TMEM45B: variants seen among roughly 807,000 people sequenced by gnomAD.
TMEM45B encodes the protein transmembrane protein 45B.
In TMEM45B, 29 loss-of-function variants were observed where a neutral mutation model predicts 27.3. The observed-to-expected ratio is 1.06, with a 90% CI of 0.79 to 1.45. The LOEUF (loss-of-function observed/expected upper bound fraction) is 1.45. Ranked by LOEUF, TMEM45B falls within the 40% of genes most tolerant of loss-of-function variation. The pLI is 0.00. For missense variants in TMEM45B, 348 were observed against 343.9 expected, an observed-to-expected ratio of 1.01 and a Z score of -0.09; for synonymous variants, 143 against 134.7, an observed-to-expected ratio of 1.06 and a Z score of -0.43.
At chr11:129,848,380 G>A (rs1947797838) in intron 1 of TMEM45B, among the ~76,000 whole-genome samples, 1 of 152,228 alleles carries the variant, frequency 6.6e-6, no homozygotes, top group South Asian at 2.1e-4. Context: ...AGGCGTGGCG[G>A]CGCGGGCCTG....
chr11:129,819,187 G>A (rs752781800), intron 1 of TMEM45B, among the ~76,000 whole-genome samples: 1 of 152,168 alleles, frequency 6.6e-6, no homozygotes, highest in African/African-American at 2.4e-5. Flanking sequence ...CTTATTCCTA[G>A]CACAGTGCCC....
chr11:129,855,028 G>A (rs888407044), intron 3 of TMEM45B, among the ~76,000 whole-genome samples: 2 of 152,158 alleles, frequency 1.3e-5, no homozygotes, highest in Non-Finnish European at 2.9e-5. Flanking sequence ...AAGCTTTGAG[G>A]CTTGAAGGCA....
At chr11:129,837,109 G>A (rs1160886356) in intron 1 of TMEM45B, among the ~76,000 whole-genome samples, 1 of 151,958 alleles carries the variant, frequency 6.6e-6, no homozygotes, top group African/African-American at 2.4e-5. Context: ...GCTTCCCAAA[G>A]CCCTTTAGTC....
At chr11:129,832,588 G>A (rs1172133538) in intron 1 of TMEM45B, among the ~76,000 whole-genome samples, 2 of 115,810 alleles carry the variant, frequency 1.7e-5, no homozygotes, top group African/African-American at 3.0e-5. Flanking sequence ...ATGGGATTTC[G>A]TGGGGGGTTG....
intron 1 of TMEM45B, among the ~76,000 whole-genome samples, chr11:129,846,744 G>T (rs562113922): frequency 6.6e-6 from 1 of 152,298 alleles, no homozygotes; most frequent in South Asian, 2.1e-4. Flanking sequence ...TGAAAAGTGG[G>T]GCAGGCCTCT....
chr11:129,854,585 A>G (rs1354126506), intron 2 of TMEM45B, 25 bp from the exon 3 acceptor site: 1 of 1,610,908 alleles, frequency 6.2e-7, no homozygotes, highest in Non-Finnish European at 8.5e-7. Flanking sequence ...TTCCCTCTAA[A>G]ACATCCATCC....
chr11:129,840,585 G>A (rs528044071), intron 1 of TMEM45B, among the ~76,000 whole-genome samples: 1 of 152,022 alleles, frequency 6.6e-6, no homozygotes, highest in African/African-American at 2.4e-5. Flanking sequence ...TCAAAGGAGG[G>A]TTTAAAAAGA....
At chr11:129,830,824 G>A (rs1438103955) in intron 1 of TMEM45B, among the ~76,000 whole-genome samples, 2 of 152,200 alleles carry the variant, frequency 1.3e-5, no homozygotes, top group Non-Finnish European at 2.9e-5. Flanking sequence ...TGAAGAAATT[G>A]GAACTCTAAT....
intron 1 of TMEM45B, among the ~76,000 whole-genome samples, chr11:129,851,809 T>C (rs1266852721): frequency 1.3e-5 from 2 of 152,324 alleles, no homozygotes; most frequent in Admixed American, 6.5e-5. Context: ...TTTACATCGT[T>C]ATGCTGATTT....
intron 1 of TMEM45B, among the ~76,000 whole-genome samples, chr11:129,837,860 T>C (rs1173556407): frequency 2.1e-5 from 3 of 142,344 alleles, no homozygotes; most frequent in African/African-American, 7.8e-5. Flanking sequence ...CAGCTCACTG[T>C]AACCTCTGCC....
At position 129,858,600 on chromosome 11, in the gene TMEM45B, G is replaced by A. The variant is rs756144550; in HGVS notation, c.743G>A (p.Gly248Glu). ...YCLLTRMKRH[G>E]RGEIIGIQKL... is the part of the protein sequence containing the mutation. ...CTTTTGACTCGGATGAAGAGACACGGAAGGGGAGAAATCATTGGAATTCAG... is the reference window on the plus strand; with the variant it reads ...CTTTTGACTCGGATGAAGAGACACGAAAGGGGAGAAATCATTGGAATTCAG... Residue 248 changes from glycine (G) to glutamate (E), a missense_variant, in exon 6 of 6, where the codon GGA becomes GAA. Gly to Glu is a moderately conservative substitution (Grantham distance 98, BLOSUM62 -2). Transcript: ENST00000281441. 1 of 1,588,298 alleles carries A rather than the reference G, an allele frequency of 6.3e-7. No homozygotes were observed. Among genetic ancestry groups the A allele is most frequent in the Non-Finnish European group, 8.6e-7 (1 of 1,166,352 alleles).
chr11:129,844,651 C>T (rs955839707), intron 1 of TMEM45B, among the ~76,000 whole-genome samples: 2 of 152,268 alleles, frequency 1.3e-5, no homozygotes, highest in African/African-American at 4.8e-5. Context: ...TATGCCACTG[C>T]ACTCCACCCT....
chr11:129,845,972 C>A (rs1300768399), intron 1 of TMEM45B, among the ~76,000 whole-genome samples: 1 of 152,052 alleles, frequency 6.6e-6, no homozygotes, highest in Admixed American at 6.5e-5. Context: ...GGACAGACAG[C>A]CAGTTCAATT....
rs1443561138 is a variant in TMEM45B at position 129,854,698 on chromosome 11, C to T, written c.267C>T (p.His89=). 2 of 1,614,140 alleles carry T rather than the reference C, an allele frequency of 1.2e-6. No homozygotes were observed. Among genetic ancestry groups the T allele is most frequent in the Non-Finnish European group, 1.7e-6 (2 of 1,180,052 alleles). The change falls in exon 3 of 6, where the codon CAC becomes CAT. Residue 89 remains histidine (H), a synonymous_variant. Transcript: ENST00000281441. ...NHWIKLMNWQ[H]STMYLFFAVS... ...GGATAAAGTTAATGAATTGGCAGCA[C>T]AGCACCATGTACCTATTCTTTGCAG...
intron 1 of TMEM45B, among the ~76,000 whole-genome samples, chr11:129,846,135 C>T (rs1947757651): frequency 6.6e-6 from 1 of 152,072 alleles, no homozygotes; most frequent in Non-Finnish European, 1.5e-5. Flanking sequence ...GGAAGATAAA[C>T]AAGTAAAAAA....
intron 1 of TMEM45B, among the ~76,000 whole-genome samples, chr11:129,831,179 T>TGG (rs1452794929): frequency 2.0e-5 from 3 of 152,248 alleles, no homozygotes; most frequent in Non-Finnish European, 4.4e-5. Flanking sequence ...ATTTCATGGA[T>TGG]GAAGATTCAT....
chr11:129,828,617 C>T lies in TMEM45B; in HGVS notation c.-9+12719C>T, dbSNP rs185025078. 2.3e-3 allele frequency among the ~76,000 whole-genome samples: 352 copies of T among 152,266 alleles called. 2 individuals carry two copies. The highest frequency in any genetic ancestry group is 3.9e-3 in the Non-Finnish European group (266 of 68,012). On this transcript the variant is annotated intron_variant, in intron 1 of 5. Coordinates refer to ENST00000281441, the MANE Select transcript of TMEM45B (RefSeq NM_138788.5). ...GAAGAGGTATTAACCTTGTTATTTG[C>T]AGAGTTACAAAAAGCTGAGTCAGGT...
intron 1 of TMEM45B, among the ~76,000 whole-genome samples, chr11:129,821,030 C>G (rs1264507980): frequency 2.6e-5 from 4 of 152,104 alleles, no homozygotes; most frequent in Non-Finnish European, 5.9e-5. Context: ...ACATCCCTTT[C>G]TTTTAAGTTC....
intron 1 of TMEM45B, among the ~76,000 whole-genome samples, chr11:129,846,364 G>A (rs1282175337): frequency 6.6e-6 from 1 of 152,062 alleles, no homozygotes; most frequent in Admixed American, 6.6e-5. Flanking sequence ...CTACTCAGGA[G>A]GCTGAGGCAG....
Sources: gnomAD v4.1 joint callset for allele counts (sites outside exome capture counted in the v4.1 genomes callset) on GRCh38, gnomAD v4.1.1 for gene constraint, MANE v1.5 for transcripts, NCBI Gene and HGNC (gene_info 2026-07-23, HGNC 2026-07-21) for gene names.